The following KALRN variants were observed in gnomAD, a reference collection of about 807,000 sequenced individuals.
KALRN encodes the protein kalirin.
Under a neutral mutation model 353.7 loss-of-function variants are expected in KALRN, and 70 were observed. The ratio of observed to expected loss-of-function variants is 0.20; its 90% CI spans 0.16 to 0.24. KALRN has a LOEUF of 0.24. KALRN is among the 10% of genes least tolerant of loss of function. KALRN has a pLI of 1.00. For synonymous variants in KALRN, 1,391 were observed against 1,434.8 expected (o/e 0.97, Z 0.69); for missense variants, 2,791 against 3,756.7 (o/e 0.74, Z 6.72).
intron 1 of KALRN, among the ~76,000 whole-genome samples, chr3:124,072,774 A>G (rs1272696650): frequency 6.6e-6 from 1 of 152,242 alleles, no homozygotes; most frequent in Admixed American, 6.5e-5. Context: ...AGTAATATAA[A>G]ACCTAATTAA....
At chr3:124,225,177 A>G (rs2078337744) in intron 1 of KALRN, among the ~76,000 whole-genome samples, 1 of 152,192 alleles carries the variant, frequency 6.6e-6, no homozygotes, top group Non-Finnish European at 1.5e-5. Context: ...CAGTGCAAAT[A>G]GGTTTTATAT....
In KALRN at chr3:124,311,546, C is replaced by T. The variant is rs189032873; in HGVS notation, c.1092+12633C>T. Reference sequence around the variant, plus strand: ...CAGAATGCTCACACATGGCTGCAGGCGTGTAAAATGGTATAACTACTTTGG... The same window carrying T: ...CAGAATGCTCACACATGGCTGCAGGTGTGTAAAATGGTATAACTACTTTGG... On this transcript the variant is annotated intron_variant, in intron 6 of 59. Coordinates refer to ENST00000682506, the MANE Select transcript of KALRN (RefSeq NM_001388419.1). Among the ~76,000 whole-genome samples, 14 of 152,144 alleles carry T rather than the reference C, an allele frequency of 9.2e-5. No individual in the cohort carries two copies. The East Asian group carries it at 2.1e-3, about 23-fold the overall frequency.
At chr3:124,516,826 T>G (rs2066636153) in intron 33 of KALRN, among the ~76,000 whole-genome samples, 1 of 152,008 alleles carries the variant, frequency 6.6e-6, no homozygotes, top group Non-Finnish European at 1.5e-5. Context: ...ATTTTAGTTC[T>G]AGAGTACATG....
intron 2 of KALRN, among the ~76,000 whole-genome samples, chr3:124,229,244 C>T (rs2078902188): frequency 6.6e-6 from 1 of 152,156 alleles, no homozygotes; most frequent in African/African-American, 2.4e-5. Flanking sequence ...TCCGGTGACC[C>T]CTGATATAAT....
intron 15 of KALRN, 90 bp downstream of exon 15, chr3:124,423,068 G>A: frequency 8.0e-7 from 1 of 1,255,752 alleles, no homozygotes; most frequent in Admixed American, 2.3e-5. Flanking sequence ...AAGGCATACA[G>A]AGCCACAGGT....
chr3:124,348,880 G>A (rs1431358478), intron 10 of KALRN, among the ~76,000 whole-genome samples: 2 of 151,986 alleles, frequency 1.3e-5, no homozygotes, highest in South Asian at 2.1e-4. Context: ...ACCACACCCG[G>A]CTAATTTTTT....
chr3:124,646,320 T>C (rs1322136008), intron 37 of KALRN, among the ~76,000 whole-genome samples: 4 of 152,052 alleles, frequency 2.6e-5, no homozygotes, highest in Non-Finnish European at 5.9e-5. Context: ...CCCTGGACTG[T>C]TGGAAATCAT....
intron 21 of KALRN, among the ~76,000 whole-genome samples, chr3:124,449,459 T>C (rs916147120): frequency 1.3e-5 from 2 of 152,170 alleles, no homozygotes; most frequent in Admixed American, 6.5e-5. Context: ...CTATTATGGG[T>C]TTCAAAATGT....
intron 1 of KALRN, among the ~76,000 whole-genome samples, chr3:124,179,440 G>T (rs2150187067): frequency 1.3e-5 from 2 of 152,222 alleles, no homozygotes; most frequent in Middle Eastern, 6.8e-3. Flanking sequence ...GTCTCCTATG[G>T]TAACAATGCT....
At chr3:124,202,377 A>G (rs1290438591) in intron 1 of KALRN, among the ~76,000 whole-genome samples, 1 of 152,016 alleles carries the variant, frequency 6.6e-6, no homozygotes. Context: ...CACCCTCCCA[A>G]GTAGCTGGGA....
chr3:124,206,922 A>G (rs1215732484), intron 1 of KALRN, among the ~76,000 whole-genome samples: 1 of 152,206 alleles, frequency 6.6e-6, no homozygotes, highest in African/African-American at 2.4e-5. Context: ...GCCTACATGA[A>G]GAAGACTGAT....
intron 34 of KALRN, among the ~76,000 whole-genome samples, chr3:124,607,786 T>C (rs2149517101): frequency 6.6e-6 from 1 of 152,100 alleles, no homozygotes; most frequent in African/African-American, 2.4e-5. Flanking sequence ...CTGGCTAATT[T>C]TGTATTTTTA....
chr3:124,558,812 A>G (rs2071584891), intron 33 of KALRN, among the ~76,000 whole-genome samples: 1 of 152,194 alleles, frequency 6.6e-6, no homozygotes, highest in African/African-American at 2.4e-5. Flanking sequence ...TGCCTTGGAG[A>G]ATGGAGCAGA....
At chr3:124,456,475 G>A (rs1393050121) in intron 22 of KALRN, 135 bp from the exon 23 acceptor site, 4 of 552,076 alleles carry the variant, frequency 7.2e-6, no homozygotes, top group Admixed American at 2.9e-5. Flanking sequence ...TTATGGGTAT[G>A]AGTCTGTAAG....
At chr3:124,427,889 A>ATTCATTT (rs1440731301) in intron 15 of KALRN, among the ~76,000 whole-genome samples, 1 of 152,254 alleles carries the variant, frequency 6.6e-6, no homozygotes, top group African/African-American at 2.4e-5. Flanking sequence ...CAATGTTAAT[A>ATTCATTT]TTCATTTTAC....
At chr3:124,417,799 G>A (rs78422402) in intron 14 of KALRN, among the ~76,000 whole-genome samples, 3,297 of 152,306 alleles carry the variant, frequency 0.022, 115 homozygotes, top group African/African-American at 0.074. Flanking sequence ...TACCACATAG[G>A]GTCATGTGAG....
chr3:124,034,995 G>T (rs145869028), intron 1 of KALRN, among the ~76,000 whole-genome samples: 1 of 152,026 alleles, frequency 6.6e-6, no homozygotes, highest in African/African-American at 2.4e-5. Context: ...GGTGCTTTGC[G>T]GGGGAGACTT....
chr3:124,481,806 G>A (rs1287560121), intron 27 of KALRN, among the ~76,000 whole-genome samples: 1 of 152,156 alleles, frequency 6.6e-6, no homozygotes, highest in Non-Finnish European at 1.5e-5. Context: ...AGCCCCAGGT[G>A]AGGTTGAGGC....
intron 30 of KALRN, 91 bp from the exon 31 acceptor site, chr3:124,491,232 C>A: frequency 1.3e-6 from 1 of 794,910 alleles, no homozygotes; most frequent in South Asian, 2.0e-5. Flanking sequence ...TCGGTCCTCT[C>A]CTCTTTGTTG....
Sources: gnomAD v4.1 joint callset for allele counts (sites outside exome capture counted in the v4.1 genomes callset) on GRCh38, gnomAD v4.1.1 for gene constraint, MANE v1.5 for transcripts, NCBI Gene and HGNC (gene_info 2026-07-23, HGNC 2026-07-21) for gene names.